The following SGCZ variants were observed in gnomAD, a reference collection of about 807,000 sequenced individuals.
SGCZ encodes the protein zeta-sarcoglycan.
Under a neutral mutation model 41.3 loss-of-function variants are expected in SGCZ, and 40 were observed. The ratio of observed to expected loss-of-function variants is 0.97; its 90% confidence interval spans 0.75 to 1.26. SGCZ has a LOEUF of 1.26. Ranked by LOEUF, SGCZ falls within the 50% of genes most tolerant of loss-of-function variation. The pLI, the probability that SGCZ is intolerant of heterozygous loss-of-function variation, is 0.00. For missense variants in SGCZ, 552 were observed against 369.8 expected, an observed-to-expected ratio of 1.49 and a Z score of -4.04; for synonymous variants, 206 against 137.5, an observed-to-expected ratio of 1.50 and a Z score of -3.49.
At chr8:14,143,444 A>G (rs1471599701) in intron 5 of SGCZ, among the ~76,000 whole-genome samples, 5 of 152,264 alleles carry the variant, frequency 3.3e-5, no homozygotes, top group African/African-American at 4.8e-5. Flanking sequence ...ACAATTTTCT[A>G]TAACTCATAA....
At chr8:14,239,394 T>C (rs555458374) in intron 3 of SGCZ, among the ~76,000 whole-genome samples, 1 of 152,116 alleles carries the variant, frequency 6.6e-6, no homozygotes, top group African/African-American at 2.4e-5. Context: ...CTATGAAACA[T>C]CCTGCAGTTC....
chr8:14,277,463 A>G lies in SGCZ; in HGVS notation c.337-39784T>C, dbSNP rs117273872. On this transcript the variant is annotated intron_variant, in intron 3 of 7. Coordinates refer to ENST00000382080, the MANE Select transcript of SGCZ (RefSeq NM_139167.4). ...TTTCTAGACCAAAAGTGCTCCTAAC[A>G]CATGTATCATTCTGTATTATTTGTT... 6.8e-3 allele frequency among the ~76,000 whole-genome samples: 1,040 copies of G among 152,248 alleles called. 6 individuals carry two copies. The highest frequency in any genetic ancestry group is 0.02 in the Middle Eastern group (6 of 294).
intron 2 of SGCZ, among the ~76,000 whole-genome samples, chr8:14,533,393 T>C (rs571803443): frequency 2.0e-5 from 3 of 152,230 alleles, no homozygotes; most frequent in Non-Finnish European, 4.4e-5. Flanking sequence ...GGAAATCTTT[T>C]ATTTTAATTT....
intron 1 of SGCZ, among the ~76,000 whole-genome samples, chr8:14,896,032 C>T (rs918160486): frequency 6.6e-6 from 1 of 152,190 alleles, no homozygotes. Flanking sequence ...CTACTTAGAT[C>T]TTTGGACCAG....
chr8:14,286,823 G>T (rs931390657), intron 3 of SGCZ, among the ~76,000 whole-genome samples: 6 of 152,056 alleles, frequency 3.9e-5, no homozygotes, highest in African/African-American at 1.4e-4. Context: ...ATTGTTTCTA[G>T]AAAGATTGAA....
At chr8:14,102,562 AAAG>A in intron 6 of SGCZ, 63 bp from the exon 7 acceptor site, 1 of 1,270,776 alleles carries the variant, frequency 7.9e-7, no homozygotes, top group East Asian at 3.1e-5. Flanking sequence ...TTAATAGAAA[AAAG>A]AAAATTTTTG....
chr8:15,186,020 G>A (rs1021863670), intron 1 of SGCZ, among the ~76,000 whole-genome samples: 18 of 150,256 alleles, frequency 1.2e-4, no homozygotes, highest in Non-Finnish European at 1.0e-4. Flanking sequence ...GTCAGGAGAT[G>A]AGACCATCCT....
At chr8:14,333,639 C>A (rs1280607814) in intron 2 of SGCZ, among the ~76,000 whole-genome samples, 3 of 152,058 alleles carry the variant, frequency 2.0e-5, no homozygotes, top group Non-Finnish European at 4.4e-5. Flanking sequence ...AGTAGAGAAA[C>A]ACACTGTGTC....
At chr8:14,827,041 T>C (rs1802352082) in intron 1 of SGCZ, among the ~76,000 whole-genome samples, 1 of 152,030 alleles carries the variant, frequency 6.6e-6, no homozygotes, top group Non-Finnish European at 1.5e-5. Flanking sequence ...TTGCCTCGGT[T>C]TTCTTCTAGG....
At chr8:14,991,157 A>G (rs1252392391) in intron 1 of SGCZ, among the ~76,000 whole-genome samples, 2 of 152,184 alleles carry the variant, frequency 1.3e-5, no homozygotes, top group Non-Finnish European at 2.9e-5. Flanking sequence ...TTGTTTGCTT[A>G]TTTTAAATCT....
intron 1 of SGCZ, among the ~76,000 whole-genome samples, chr8:14,599,599 A>G (rs943985057): frequency 6.6e-6 from 1 of 152,198 alleles, no homozygotes; most frequent in Non-Finnish European, 1.5e-5. Context: ...AGAAAACTGA[A>G]TAAGGCTGGA....
intron 3 of SGCZ, among the ~76,000 whole-genome samples, chr8:14,268,741 A>C (rs903633935): frequency 6.6e-6 from 1 of 151,934 alleles, no homozygotes; most frequent in Admixed American, 6.6e-5. Context: ...TTAATATTAT[A>C]TGTACATTTG....
At chr8:14,354,089 T>G (rs1344749657) in intron 2 of SGCZ, among the ~76,000 whole-genome samples, 3 of 152,070 alleles carry the variant, frequency 2.0e-5, no homozygotes, top group Non-Finnish European at 2.9e-5. Flanking sequence ...GTATCTTTGT[T>G]TTTCGGGAAA....
intron 1 of SGCZ, among the ~76,000 whole-genome samples, chr8:15,037,619 G>C (rs930736051): frequency 6.6e-5 from 10 of 152,122 alleles, no homozygotes; most frequent in Non-Finnish European, 1.5e-5. Flanking sequence ...GAAAGTACTA[G>C]CCAGAGAAAT....
At chr8:14,446,672 G>C (rs1160164667) in intron 2 of SGCZ, among the ~76,000 whole-genome samples, 1 of 152,102 alleles carries the variant, frequency 6.6e-6, no homozygotes, top group Non-Finnish European at 1.5e-5. Flanking sequence ...CCTGTATAAG[G>C]TTTATATTAG....
chr8:14,432,107 C>T (rs555355788), intron 2 of SGCZ, among the ~76,000 whole-genome samples: 4 of 152,094 alleles, frequency 2.6e-5, no homozygotes, highest in South Asian at 2.1e-4. Flanking sequence ...ATAACCACTA[C>T]GGAAAACACT....
intron 1 of SGCZ, among the ~76,000 whole-genome samples, chr8:14,637,415 A>C (rs1276199961): frequency 6.6e-6 from 1 of 151,490 alleles, no homozygotes; most frequent in African/African-American, 2.4e-5. Flanking sequence ...GGATCCCATC[A>C]CTCAGATAAT....
intron 1 of SGCZ, among the ~76,000 whole-genome samples, chr8:14,803,092 C>A (rs1801379860): frequency 1.3e-5 from 2 of 152,128 alleles, no homozygotes; most frequent in African/African-American, 4.8e-5. Flanking sequence ...ACCCATGGGG[C>A]CTCAGGCAGT....
chr8:14,652,751 A>C (rs567250667), intron 1 of SGCZ, among the ~76,000 whole-genome samples: 1 of 152,278 alleles, frequency 6.6e-6, no homozygotes, highest in African/African-American at 2.4e-5. Flanking sequence ...TCTTCAAAAT[A>C]TCAACAAATT....
Sources: gnomAD v4.1 joint callset for allele counts (sites outside exome capture counted in the v4.1 genomes callset) on GRCh38, gnomAD v4.1.1 for gene constraint, MANE v1.5 for transcripts, NCBI Gene and HGNC (gene_info 2026-07-23, HGNC 2026-07-21) for gene names.